The following THSD7A variants were observed in gnomAD, a reference collection of about 807,000 sequenced individuals.
THSD7A encodes thrombospondin type-1 domain-containing protein 7A.
Under a neutral mutation model 231.3 loss-of-function variants are expected in THSD7A, and 96 were observed. The ratio of observed to expected loss-of-function variants is 0.41; its 90% CI spans 0.35 to 0.49. The LOEUF (loss-of-function observed/expected upper bound fraction) is 0.49. Among genes scored for constraint, THSD7A ranks in the 20% least tolerant of loss-of-function variants. The pLI is 0.05. For synonymous variants in THSD7A, 940 were observed against 743.3 expected (o/e 1.26, Z -4.30); for missense variants, 2,290 against 2,070.2 (o/e 1.11, Z -2.06).
intron 4 of THSD7A, among the ~76,000 whole-genome samples, chr7:11,577,322 CT>C (rs1181648998): frequency 6.6e-6 from 1 of 151,920 alleles, no homozygotes; most frequent in Admixed American, 6.6e-5. Context: ...ATTTTATTTA[CT>C]TTTTATTTTT....
intron 14 of THSD7A, among the ~76,000 whole-genome samples, chr7:11,427,243 A>G (rs1162389484): frequency 4.6e-5 from 7 of 152,324 alleles, no homozygotes; most frequent in Admixed American, 3.3e-4. Context: ...CATTAACACA[A>G]AACTTTACAT....
At chr7:11,702,995 C>T (rs960360906) in intron 1 of THSD7A, among the ~76,000 whole-genome samples, 1 of 151,234 alleles carries the variant, frequency 6.6e-6, no homozygotes, top group African/African-American at 2.4e-5. Flanking sequence ...TCTGGAAACT[C>T]TCTGAAGAAG....
At chr7:11,598,466 T>C (rs560391069) in intron 2 of THSD7A, among the ~76,000 whole-genome samples, 1 of 152,264 alleles carries the variant, frequency 6.6e-6, no homozygotes, top group East Asian at 1.9e-4. Flanking sequence ...AAAGGGGCCA[T>C]AGTGGCACAG....
chr7:11,542,451 A>G (rs2128323089), intron 5 of THSD7A, among the ~76,000 whole-genome samples: 1 of 152,360 alleles, frequency 6.6e-6, no homozygotes, highest in East Asian at 1.9e-4. Context: ...TCATTTGCAT[A>G]TGAAAGTAAT....
chr7:11,777,787 G>A (rs958936504), intron 1 of THSD7A, among the ~76,000 whole-genome samples: 1 of 152,116 alleles, frequency 6.6e-6, no homozygotes, highest in East Asian at 1.9e-4. Flanking sequence ...TGAACCTGAT[G>A]ATTGTTTAAA....
In THSD7A at chr7:11,374,478, C is replaced by A. The variant is rs1039490312; in HGVS notation, c.*1316G>T. 1 of 151,988 alleles carries A rather than the reference C, an allele frequency of 6.6e-6. No homozygotes were observed. The highest frequency in any genetic ancestry group is 1.5e-5 in the Non-Finnish European group (1 of 67,974). The allele number at this position is 151,988 out of a possible 1,614,324, so 9.4% of individuals were successfully genotyped here. On this transcript the variant is annotated 3_prime_UTR_variant, in exon 28 of 28. Coordinates refer to ENST00000423059, the MANE Select transcript of THSD7A (RefSeq NM_015204.3). ...CTATGGATTTTGAAATAACTGCCTG[C>A]AAGACAGACATTCAATCTGAAACTG...
rs1219618007 is a variant in THSD7A, at chr7:11,444,459, G to T, written c.3064+1602C>A. Among the ~76,000 whole-genome samples the T allele has an allele frequency of 6.6e-6, 1 of 151,726 alleles. No homozygotes were observed. Among genetic ancestry groups the T allele is most frequent in the Non-Finnish European group, 1.5e-5 (1 of 67,868 alleles). On this transcript the variant is annotated intron_variant, in intron 13 of 27. Transcript: ENST00000423059. The surrounding 1 kb of genome is among the most constrained non-coding windows in gnomAD (Gnocchi z 4.2). ...ATGTGGCACATATACATCATAAAATGGATGAAGCTGGAAACCGTCATGCCC... is the reference window on the plus strand; with the variant it reads ...ATGTGGCACATATACATCATAAAATTGATGAAGCTGGAAACCGTCATGCCC...
At chr7:11,475,188 G>A (rs1170212899) in intron 7 of THSD7A, among the ~76,000 whole-genome samples, 1 of 152,100 alleles carries the variant, frequency 6.6e-6, no homozygotes, top group African/African-American at 2.4e-5. Context: ...TTAGTGTGAA[G>A]AGTACTATTA....
intron 1 of THSD7A, among the ~76,000 whole-genome samples, chr7:11,674,185 A>T (rs749987015): frequency 1.8e-4 from 28 of 152,136 alleles, no homozygotes; most frequent in Non-Finnish European, 3.5e-4. Flanking sequence ...AAGCCTGGGT[A>T]CAGCTCTAGT....
intron 1 of THSD7A, among the ~76,000 whole-genome samples, chr7:11,718,202 A>G (rs1781210832): frequency 1.3e-5 from 2 of 151,626 alleles, no homozygotes; most frequent in Non-Finnish European, 3.0e-5. Flanking sequence ...GAAAGAACTA[A>G]AAACCTCTTG....
intron 13 of THSD7A, among the ~76,000 whole-genome samples, chr7:11,432,945 AT>A (rs1195495655): frequency 6.6e-6 from 1 of 152,080 alleles, no homozygotes; most frequent in Non-Finnish European, 1.5e-5. Flanking sequence ...TTAGGATACA[AT>A]GAAAAGTTCT....
intron 23 of THSD7A, chr7:11,385,003 A>ATAAT (rs1389487065): frequency 6.6e-6 from 1 of 151,746 alleles, no homozygotes; most frequent in African/African-American, 2.4e-5. Flanking sequence ...ATAAGATTTT[A>ATAAT]TAATTTTTCA....
chr7:11,393,413 C>T (rs937105760), intron 23 of THSD7A, among the ~76,000 whole-genome samples: 1 of 152,174 alleles, frequency 6.6e-6, no homozygotes, highest in Non-Finnish European at 1.5e-5. Context: ...GAAAAACCAG[C>T]ACAAAAAGTC....
At chr7:11,708,089 C>G (rs76407736) in intron 1 of THSD7A, among the ~76,000 whole-genome samples, 15,131 of 150,686 alleles carry the variant, frequency 0.1, 952 homozygotes, top group South Asian at 0.16. Context: ...TCTCTCCCTA[C>G]TCATGCGTTA....
chr7:11,388,567 T>C (rs10271517), intron 23 of THSD7A, among the ~76,000 whole-genome samples: 6,209 of 152,300 alleles, frequency 0.041, 296 homozygotes, highest in Admixed American at 0.094. Flanking sequence ...TGCATCTATT[T>C]GATTGTTCTC....
rs911402204 is a variant in THSD7A, at chr7:11,634,670, G to A, written c.1022+1460C>T. Reference sequence around the variant, plus strand: ...CCTGGAGAATGAAGGCAGAACAACAGCCTTCATTCAAGGCCACAGGACCAG... The same window carrying A: ...CCTGGAGAATGAAGGCAGAACAACAACCTTCATTCAAGGCCACAGGACCAG... On this transcript the variant is annotated intron_variant, in intron 2 of 27. Transcript: ENST00000423059. This position sits in a 1 kb window ranked among gnomAD's most constrained non-coding sequence, Gnocchi z 4.1. Among the ~76,000 whole-genome samples the A allele has an allele frequency of 5.9e-5, 9 of 151,866 alleles. No homozygotes were observed. Among genetic ancestry groups the A allele is most frequent in the Non-Finnish European group, 1.5e-5 (1 of 67,950 alleles).
chr7:11,519,593 G>C (rs1197724049), intron 6 of THSD7A, among the ~76,000 whole-genome samples: 1 of 152,116 alleles, frequency 6.6e-6, no homozygotes, highest in Admixed American at 6.5e-5. Flanking sequence ...CCATTTTGGT[G>C]TGTAGAGGTG....
chr7:11,596,652 C>T (rs767224205), intron 2 of THSD7A, among the ~76,000 whole-genome samples: 1 of 152,182 alleles, frequency 6.6e-6, no homozygotes, highest in Non-Finnish European at 1.5e-5. Context: ...CCATCAAGGA[C>T]CTGAAAGACG....
At position 11,372,262 on chromosome 7, in the gene THSD7A, T is replaced by TATC; in HGVS notation, c.*3529_*3531dup. The TATC allele has an allele frequency of 6.6e-6, 1 of 151,996 alleles. No individual in the cohort carries two copies. The allele number at this position is 151,996 out of a possible 1,614,324, so 9.4% of individuals were successfully genotyped here. A position where few individuals can be genotyped will look rare whatever the true frequency, so the allele number is the denominator to read the frequency against. ...AGTAAAAGTCAACATGTTTCAGTGC[T>TATC]ATCTTCACTCATTAAGCATTTTTTC... is the stretch of plus-strand genomic sequence containing the variant. On this transcript the variant is annotated 3_prime_UTR_variant, in exon 28 of 28. Transcript: ENST00000423059.
Sources: allele counts gnomAD v4.1 joint callset (sites outside exome capture counted in the v4.1 genomes callset), GRCh38; gene constraint gnomAD v4.1.1; non-coding constraint Gnocchi (gnomAD v3.1); transcripts MANE v1.5; gene names NCBI Gene and HGNC (gene_info 2026-07-23, HGNC 2026-07-21).